MYO1H: variants seen among roughly 807,000 people sequenced by gnomAD.
The protein encoded by MYO1H is unconventional myosin-Ih.
MYO1H carries 118 observed loss-of-function variants against 149.3 expected under a neutral mutation model. That is an observed-to-expected ratio of 0.79 (90% CI 0.68 to 0.92). MYO1H has a LOEUF of 0.92. Among genes scored for constraint, MYO1H ranks in the 40% least tolerant of loss-of-function variants. The probability of loss-of-function intolerance (pLI) is 0.00; values close to 1 mark genes in which losing one functional copy is unlikely to be tolerated. For synonymous variants in MYO1H, 447 were observed against 465.2 expected, an observed-to-expected ratio of 0.96 and a Z score of 0.50; for missense variants, 1,212 against 1,280.7, an observed-to-expected ratio of 0.95 and a Z score of 0.82.
At chr12:109,401,321 C>A in intron 6 of MYO1H, 49 bp downstream of exon 6, 1 of 1,544,500 alleles carries the variant, frequency 6.5e-7, no homozygotes, top group Non-Finnish European at 8.8e-7. Flanking sequence ...AGCAGGGGAT[C>A]AGAGATGTTT....
At chr12:109,326,529 TTTTA>T in the MYO1H span, among the ~76,000 whole-genome samples, 29 of 140,002 alleles carry the variant, frequency 2.1e-4, no homozygotes, top group African/African-American at 7.6e-4. Flanking sequence ...TTTTATTTTA[TTTTA>T]TTTTTTGAGA....
chr12:109,443,160 G>A (rs201732440), intron 27 of MYO1H, among the ~76,000 whole-genome samples: 333 of 33,260 alleles, frequency 0.01, 66 homozygotes, highest in Middle Eastern at 0.053. Flanking sequence ...GTATGTGTGT[G>A]TATATGTGTA....
In MYO1H at chr12:109,396,379, T is replaced by A. The variant is rs1414861948; in HGVS notation, c.291-5T>A. 1 of 1,597,286 alleles carries A rather than the reference T, an allele frequency of 6.3e-7. No homozygotes were observed. The highest frequency in any genetic ancestry group is 1.7e-5 in the Admixed American group (1 of 58,054). ...GAATTTGTTTCCGTCTCACTCCTCC[T>A]CCAGCTACGCTATAGCCGACAACGC... On this transcript the variant is annotated splice_region_variant and splice_polypyrimidine_tract_variant and intron_variant, in intron 3 of 31. Transcript: ENST00000310903.
chr12:109,433,110 G>A, intron 20 of MYO1H, 100 bp downstream of exon 20: 1 of 939,332 alleles, frequency 1.1e-6, no homozygotes, highest in Non-Finnish European at 1.7e-6. Flanking sequence ...TCGATTCCTA[G>A]GGATTTATGG....
intron 1 of MYO1H, among the ~76,000 whole-genome samples, chr12:109,357,455 G>A (rs1159381328): frequency 6.6e-6 from 1 of 152,144 alleles, no homozygotes; most frequent in Non-Finnish European, 1.5e-5. Flanking sequence ...TGTGCTAAAC[G>A]GGACATTGAA....
chr12:109,368,485 A>G (rs1376894292), intron 1 of MYO1H, among the ~76,000 whole-genome samples: 1 of 152,000 alleles, frequency 6.6e-6, no homozygotes, highest in Admixed American at 6.5e-5. Context: ...GTGAAACCCA[A>G]CCTCTACTAA....
intron 1 of MYO1H, among the ~76,000 whole-genome samples, chr12:109,365,681 AG>A (rs887370642): frequency 6.6e-6 from 1 of 152,134 alleles, no homozygotes; most frequent in African/African-American, 2.4e-5. Context: ...CCTATTTCAC[AG>A]GGGGGTTGTG....
intron 2 of MYO1H, 57 bp from the exon 3 acceptor site, chr12:109,393,274 T>C (rs1869737662): frequency 9.9e-7 from 1 of 1,011,366 alleles, no homozygotes; most frequent in Admixed American, 2.0e-5. Context: ...GATCATCATG[T>C]GTGACAGTCT....
At chr12:109,411,850 G>A in intron 13 of MYO1H, 44 bp from the exon 14 acceptor site, 1 of 1,386,454 alleles carries the variant, frequency 7.2e-7, no homozygotes, top group East Asian at 2.4e-5. Flanking sequence ...TGGCATTGAT[G>A]GAGTGTGGTG....
the MYO1H span, among the ~76,000 whole-genome samples, chr12:109,321,966 C>T: frequency 1.5e-3 from 224 of 152,194 alleles, 3 homozygotes; most frequent in African/African-American, 5.3e-3. Flanking sequence ...TACACAGGTC[C>T]CAAAGGGAAC....
At position 109,443,393 on chromosome 12, in the gene MYO1H, C is replaced by CAT. The variant is rs1341439477; in HGVS notation, c.2689-119_2689-118dup. On this transcript the variant is annotated intron_variant, in intron 27 of 31. Transcript: ENST00000310903. ...ACACACACACACACACACACACACACATACACGCAAAATCTGTTTGAGCTT... is the reference window on the plus strand; with the variant it reads ...ACACACACACACACACACACACACACATATACACGCAAAATCTGTTTGAGCTT... The CAT allele has an allele frequency of 1.8e-5, 15 of 853,558 alleles. 1 individual carries two copies. The highest frequency in any genetic ancestry group is 9.1e-5 in the African/African-American group (3 of 33,034). The allele number at this position is 853,558 out of a possible 1,614,324, so 52.9% of individuals were successfully genotyped here.
At chr12:109,384,288 G>A (rs1438972053) in intron 1 of MYO1H, among the ~76,000 whole-genome samples, 1 of 152,210 alleles carries the variant, frequency 6.6e-6, no homozygotes, top group Admixed American at 6.5e-5. Context: ...GTTATGCACA[G>A]TTAGGATCCT....
At position 109,415,179 on chromosome 12, in the gene MYO1H, G is replaced by T. The variant is rs556875422; in HGVS notation, c.1503-347G>T. 1.5e-4 allele frequency among the ~76,000 whole-genome samples: 23 copies of T among 152,232 alleles called. No homozygotes were observed. In the South Asian group the frequency reaches 4.8e-3, roughly 32 times the overall value. On this transcript the variant is annotated intron_variant, in intron 14 of 31. Coordinates refer to ENST00000310903, the Ensembl canonical transcript of MYO1H. The stretch of plus-strand genomic sequence containing the variant: ...GGTGCCATTTTGTCTCAGTGAAGTA[G>T]AAAGTTCAACTCATGGGCCAGGCAC...
intron 5 of MYO1H, among the ~76,000 whole-genome samples, chr12:109,398,048 G>C (rs1346956002): frequency 2.0e-5 from 3 of 152,244 alleles, no homozygotes; most frequent in Non-Finnish European, 4.4e-5. Flanking sequence ...TGTTGATGAA[G>C]ATATGGATCA....
chr12:109,383,534 A>G (rs1328051006), intron 1 of MYO1H, among the ~76,000 whole-genome samples: 1 of 152,210 alleles, frequency 6.6e-6, no homozygotes, highest in Non-Finnish European at 1.5e-5. Context: ...TCTTCAAGAC[A>G]TCTCTCCTCC....
chr12:109,429,200 CTG>C (rs550717035), intron 19 of MYO1H, among the ~76,000 whole-genome samples: 1 of 116,078 alleles, frequency 8.6e-6, no homozygotes, highest in Non-Finnish European at 1.8e-5. Flanking sequence ...GAATGAGACT[CTG>C]TATCAAAACA....
the MYO1H span, among the ~76,000 whole-genome samples, chr12:109,318,739 CTGGG>C: frequency 6.6e-6 from 1 of 152,236 alleles, no homozygotes; most frequent in Middle Eastern, 3.4e-3. Context: ...CCAGAAGCGA[CTGGG>C]TGGGCATGAA....
the MYO1H span, among the ~76,000 whole-genome samples, chr12:109,316,897 C>A: frequency 1.3e-5 from 2 of 152,152 alleles, no homozygotes. Context: ...TAGAAATGTT[C>A]TTTCAGTGTG....
At chr12:109,419,575 G>A (rs1179622577) in intron 15 of MYO1H, among the ~76,000 whole-genome samples, 2 of 151,932 alleles carry the variant, frequency 1.3e-5, no homozygotes, top group African/African-American at 4.8e-5. Flanking sequence ...TGGAAACAGG[G>A]TTTCACTTTG....
Sources: gnomAD v4.1 joint callset for allele counts (sites outside exome capture counted in the v4.1 genomes callset) on GRCh38, gnomAD v4.1.1 for gene constraint, MANE v1.5 for transcripts, NCBI Gene and HGNC (gene_info 2026-07-23, HGNC 2026-07-21) for gene names.